The following AKAP11 variants were observed in gnomAD, a reference collection of about 807,000 sequenced individuals.
AKAP11 encodes A-kinase anchoring protein 11, also known as A-kinase anchor protein 11.
Under a neutral mutation model 146.1 loss-of-function variants are expected in AKAP11, and 36 were observed. The observed-to-expected ratio is 0.25, with a 90% CI of 0.19 to 0.33. AKAP11 has a LOEUF of 0.33. Ranked by LOEUF, AKAP11 falls within the 10% of genes least tolerant of loss-of-function variation. AKAP11 has a pLI of 1.00. For missense variants in AKAP11, 2,201 were observed against 2,197.0 expected, an observed-to-expected ratio of 1.00 and a Z score of -0.04; for synonymous variants, 780 against 786.5, an observed-to-expected ratio of 0.99 and a Z score of 0.14.
In AKAP11 at chr13:42,303,373, T is replaced by A. The variant is rs1183182046; in HGVS notation, c.4627T>A (p.Tyr1543Asn). ...CAATGTTGTTCAAGCTGTAGAACAG[T>A]ATGCCAAAAAAGTAGTGGATGACAC... ...GDNVVQAVEQ[Y>N]AKKVVDDTLE... Residue 1543 changes from tyrosine to asparagine, a missense_variant, in exon 8 of 13, where the codon TAT (tyrosine) becomes AAT (asparagine). Physicochemically the swap from Tyr to Asn is moderately radical, Grantham distance 143 (BLOSUM62 -2). Coordinates refer to ENST00000025301, the MANE Select transcript of AKAP11 (RefSeq NM_016248.4). 6.2e-7 allele frequency: 1 copy of A among 1,613,344 alleles called. No individual in the cohort carries two copies. The highest frequency in any genetic ancestry group is 8.5e-7 in the Non-Finnish European group (1 of 1,180,036).
At chr13:42,276,918 T>C (rs1958935817) in intron 1 of AKAP11, among the ~76,000 whole-genome samples, 1 of 152,226 alleles carries the variant, frequency 6.6e-6, no homozygotes, top group Non-Finnish European at 1.5e-5. Flanking sequence ...AGAAATGTGT[T>C]CCTGGGTTAA....
intron 1 of AKAP11, among the ~76,000 whole-genome samples, chr13:42,276,917 T>A (rs1339053327): frequency 1.3e-5 from 2 of 152,222 alleles, no homozygotes; most frequent in African/African-American, 4.8e-5. Flanking sequence ...AAGAAATGTG[T>A]TCCTGGGTTA....
Position 42,298,747 on chromosome 13 carries a change from C to T in AKAP11, c.566C>T (p.Thr189Ile), listed in dbSNP as rs374539712. ...TCATCCATAGAGGATGACTTTGTCA[C>T]TGCTTTTGAGCACTTAGAAGAGGAA... ...SVSSIEDDFV[T>I]AFEHLEEEET... Residue 189 changes from threonine (T) to isoleucine (I), a missense_variant, in exon 7 of 13, where the codon ACT becomes ATT. Physicochemically the swap from Thr to Ile is moderately conservative, Grantham distance 89. Around this residue, in one of 3 missense-constraint regions of AKAP11, gnomAD observed 331 missense variants for 347.4 expected, o/e 0.95. Coordinates refer to ENST00000025301, the MANE Select transcript of AKAP11 (RefSeq NM_016248.4). 12 of 1,600,786 alleles carry T rather than the reference C, an allele frequency of 7.5e-6. No homozygotes were observed. Among genetic ancestry groups the T allele is most frequent in the Non-Finnish European group, 9.4e-6 (11 of 1,176,188 alleles).
chr13:42,307,893 G>A (rs1298720976), intron 8 of AKAP11, among the ~76,000 whole-genome samples: 1 of 152,132 alleles, frequency 6.6e-6, no homozygotes. Context: ...TAAAATAGTT[G>A]AGCAGTGAAT....
At chr13:42,309,339 C>A (rs1381418348) in intron 9 of AKAP11, among the ~76,000 whole-genome samples, 1 of 152,060 alleles carries the variant, frequency 6.6e-6, no homozygotes, top group African/African-American at 2.4e-5. Context: ...ATAATAGATA[C>A]CATTTGTAGC....
At chr13:42,304,503 A>G (rs1222293513) in intron 8 of AKAP11, among the ~76,000 whole-genome samples, 1 of 152,208 alleles carries the variant, frequency 6.6e-6, no homozygotes, top group South Asian at 2.1e-4. Flanking sequence ...AGGGGGGACT[A>G]TTCTATAGTA....
chr13:42,276,204 A>T (rs1958913380), intron 1 of AKAP11, among the ~76,000 whole-genome samples: 1 of 152,116 alleles, frequency 6.6e-6, no homozygotes. Context: ...GACCCCAAGT[A>T]AATCTCTTAA....
Position 42,299,918 on chromosome 13 carries a change from A to T in AKAP11, c.1172A>T (p.His391Leu). The change falls in exon 8 of 13, where the codon CAT (histidine) becomes CTT (leucine). Residue 391 changes from histidine (H) to leucine (L), a missense_variant. This residue lies in a region of AKAP11 where 1,867 missense variants were observed against 1,833.5 expected (regional missense o/e 1.02). Coordinates refer to ENST00000025301, the MANE Select transcript of AKAP11 (RefSeq NM_016248.4). Reference sequence around the variant, plus strand: ...TCATCGCAGAGGAAAGGGCACAAACATGGAAAGTCATGTATGAATCCTCAA... The same window carrying T: ...TCATCGCAGAGGAAAGGGCACAAACTTGGAAAGTCATGTATGAATCCTCAA... Reference protein sequence around the residue: ...GKSSQRKGHKHGKSCMNPQKF... With the variant: ...GKSSQRKGHKLGKSCMNPQKF... 6.2e-7 allele frequency: 1 copy of T among 1,613,996 alleles called. No homozygotes were observed. The highest frequency in any genetic ancestry group is 8.5e-7 in the Non-Finnish European group (1 of 1,179,886).
rs1454279665 is a variant in AKAP11 at position 42,322,432 on chromosome 13, ATTAG to A, written c.*3209_*3212del. 6.6e-6 allele frequency: 1 copy of A among 152,292 alleles called. No homozygotes were observed. The highest frequency in any genetic ancestry group is 2.1e-4 in the South Asian group (1 of 4,830). The allele number at this position is 152,292 out of a possible 1,614,324, so 9.4% of individuals were successfully genotyped here. A position where few individuals can be genotyped will look rare whatever the true frequency, so the allele number is the denominator to read the frequency against. On this transcript the variant is annotated 3_prime_UTR_variant, in exon 13 of 13. Transcript: ENST00000025301. Reference sequence around the variant, plus strand: ...CCAGATTTAAATGTCTACTTAGTTAATTAGTTAGCTGATATTCTTCCACAATTAA... The same window carrying A: ...CCAGATTTAAATGTCTACTTAGTTAATTAGCTGATATTCTTCCACAATTAA...
In AKAP11 at chr13:42,299,602, A is replaced by T. The variant is rs1479163126; in HGVS notation, c.856A>T (p.Asn286Tyr). The part of the protein sequence containing the change: ...WTQRSFYRSS[N>Y]ASDKDSDLQK... Reference sequence around the variant, plus strand: ...CCAAAGGAGTTTCTATAGGTCATCTAATGCTTCAGATAAAGATAGTGATTT... The same window carrying T: ...CCAAAGGAGTTTCTATAGGTCATCTTATGCTTCAGATAAAGATAGTGATTT... Residue 286 changes from asparagine (N) to tyrosine (Y), a missense_variant, in exon 8 of 13, where the codon AAT becomes TAT. Around this residue, in one of 3 missense-constraint regions of AKAP11, gnomAD observed 331 missense variants for 347.4 expected, o/e 0.95. Coordinates refer to ENST00000025301, the MANE Select transcript of AKAP11 (RefSeq NM_016248.4). 6.2e-7 allele frequency: 1 copy of T among 1,613,900 alleles called. No individual in the cohort carries two copies. The highest frequency in any genetic ancestry group is 8.5e-7 in the Non-Finnish European group (1 of 1,179,906).
At chr13:42,286,120 C>A (rs1646116505) in intron 2 of AKAP11, 85 bp downstream of exon 2, 3 of 330,194 alleles carry the variant, frequency 9.1e-6, no homozygotes, top group Non-Finnish European at 1.6e-5. Flanking sequence ...TACCAATATT[C>A]ATATATTTTT....
chr13:42,282,037 T>C (rs1029182042), intron 1 of AKAP11, among the ~76,000 whole-genome samples: 1 of 151,508 alleles, frequency 6.6e-6, no homozygotes, highest in Non-Finnish European at 1.5e-5. Flanking sequence ...GGTACAATCT[T>C]GGCTCACTGC....
chr13:42,301,475 C>T lies in AKAP11; in HGVS notation c.2729C>T (p.Ser910Phe). ...VDERTDYLTK[S>F]LKEKTPPFSH... is the part of the protein sequence containing the mutation. ...GAACGTACAGATTATTTAACTAAAT[C>T]TTTAAAGGAGAAAACCCCTCCATTT... The change falls in exon 8 of 13, where the codon TCT becomes TTT. Residue 910 changes from serine to phenylalanine, a missense_variant. Transcript: ENST00000025301. 1 of 1,613,394 alleles carries T rather than the reference C, an allele frequency of 6.2e-7. No homozygotes were observed. The highest frequency in any genetic ancestry group is 1.7e-5 in the Admixed American group (1 of 59,902).
At chr13:42,287,946 T>C (rs1959179295) in intron 3 of AKAP11, among the ~76,000 whole-genome samples, 2 of 152,230 alleles carry the variant, frequency 1.3e-5, no homozygotes, top group Non-Finnish European at 2.9e-5. Context: ...TTAGTGTCTT[T>C]TGTTATTCAA....
At chr13:42,295,072 C>A (rs967187948) in intron 4 of AKAP11, among the ~76,000 whole-genome samples, 1 of 152,110 alleles carries the variant, frequency 6.6e-6, no homozygotes, top group Non-Finnish European at 1.5e-5. Flanking sequence ...GGTGGTATCA[C>A]AGAGTCAATG....
Position 42,300,020 on chromosome 13 carries a change from G to T in AKAP11, c.1274G>T (p.Gly425Val), listed in dbSNP as rs1959763903. ...PTPRKPESPYGNLCDAPDSPR... is the reference protein window; with the variant it reads ...PTPRKPESPYVNLCDAPDSPR... ...CCTCGTAAACCAGAATCTCCATATG[G>T]TAACCTGTGTGATGCTCCGGATTCT... Residue 425 changes from glycine (G) to valine (V), a missense_variant, in exon 8 of 13, where the codon GGT (glycine) becomes GTT (valine). Physicochemically the swap from Gly to Val is moderately radical, Grantham distance 109. Transcript: ENST00000025301. 3 of 1,613,846 alleles carry T rather than the reference G, an allele frequency of 1.9e-6. No homozygotes were observed. The Admixed American group carries it at 5.0e-5, about 27-fold the overall frequency.
Position 42,297,112 on chromosome 13 carries a change from A to T in AKAP11, c.281A>T (p.Asn94Ile). 1 of 1,588,050 alleles carries T rather than the reference A, an allele frequency of 6.3e-7. No individual in the cohort carries two copies. The part of the protein sequence containing the change: ...ILNSLHFCSL[N>I]ENEIICMKNI... ...AATTCACTCCACTTCTGCAGTCTAA[A>T]TGAAAATGAAATTATTTGTATGAAG... The change falls in exon 6 of 13, where the codon AAT becomes ATT. Residue 94 changes from asparagine (N) to isoleucine (I), a missense_variant. Asn to Ile is a moderately radical substitution (Grantham distance 149). Transcript: ENST00000025301.
At chr13:42,305,099 AAC>A (rs1960183735) in intron 8 of AKAP11, among the ~76,000 whole-genome samples, 1 of 152,182 alleles carries the variant, frequency 6.6e-6, no homozygotes, top group Non-Finnish European at 1.5e-5. Context: ...TTTCAGTTTA[AAC>A]CTTCTTTGTC....
Position 42,301,772 on chromosome 13 carries a change from A to G in AKAP11, c.3026A>G (p.Glu1009Gly). The G allele has an allele frequency of 6.2e-7, 1 of 1,614,132 alleles. No homozygotes were observed. The highest frequency in any genetic ancestry group is 2.2e-5 in the East Asian group (1 of 44,888). ...TCAGCTGCAAAGGATTGTGTTCCAG[A>G]ATGTAAAGTTTCTATGGTTCATGGA... Reference protein sequence around the residue: ...SLSAAKDCVPECKVSMVHGSS... With the variant: ...SLSAAKDCVPGCKVSMVHGSS... The change falls in exon 8 of 13, where the codon GAA (glutamate) becomes GGA (glycine). Residue 1009 changes from glutamate (E) to glycine (G), a missense_variant. Glu to Gly is a moderately conservative substitution (Grantham distance 98). This residue lies in a region of AKAP11 where 1,867 missense variants were observed against 1,833.5 expected (regional missense o/e 1.02). Coordinates refer to ENST00000025301, the MANE Select transcript of AKAP11 (RefSeq NM_016248.4).
Sources: gnomAD v4.1 joint callset for allele counts (sites outside exome capture counted in the v4.1 genomes callset) on GRCh38, gnomAD v4.1.1 for gene constraint, gnomAD v4.1.1 regional missense constraint, MANE v1.5 for transcripts, NCBI Gene and HGNC (gene_info 2026-07-23, HGNC 2026-07-21) for gene names.